Variants in RAPGEF2 observed in about 807,000 individuals in gnomAD.
RAPGEF2 encodes PDZ domain containing guanine nucleotide exchange factor (GEF) 1.
In RAPGEF2, 54 loss-of-function variants were observed where a neutral mutation model predicts 186.7. The ratio of observed to expected loss-of-function variants is 0.29; its 90% confidence interval spans 0.23 to 0.36. RAPGEF2 has a LOEUF of 0.36. RAPGEF2 is among the 10% of genes least tolerant of loss of function. The pLI is 1.00. For missense variants in RAPGEF2, 1,532 were observed against 2,045.0 expected (o/e 0.75, Z 4.84); for synonymous variants, 712 against 705.9 (o/e 1.01, Z -0.14).
At chr4:159,145,076 T>C (rs1004810097) in intron 1 of RAPGEF2, among the ~76,000 whole-genome samples, 6 of 151,848 alleles carry the variant, frequency 4.0e-5, no homozygotes, top group African/African-American at 1.5e-4. Flanking sequence ...AGACAGGATT[T>C]CACCATGTTG....
At chr4:159,226,688 A>G (rs1194078449) in intron 4 of RAPGEF2, among the ~76,000 whole-genome samples, 1 of 152,186 alleles carries the variant, frequency 6.6e-6, no homozygotes, top group African/African-American at 2.4e-5. Flanking sequence ...CAGATCATAC[A>G]CATTCTTCAT....
chr4:159,217,534 C>G (rs80294516), intron 4 of RAPGEF2, among the ~76,000 whole-genome samples: 17,212 of 152,242 alleles, frequency 0.11, 1,920 homozygotes, highest in African/African-American at 0.28. Context: ...ATATGTACCA[C>G]ATTGGCTTTA....
intron 4 of RAPGEF2, among the ~76,000 whole-genome samples, chr4:159,217,743 A>G (rs891490724): frequency 3.3e-5 from 5 of 152,228 alleles, no homozygotes; most frequent in Non-Finnish European, 7.3e-5. Context: ...CCTGTTCTCC[A>G]CAATGTCTGA....
At position 159,345,234 on chromosome 4, in the gene RAPGEF2, G is replaced by A. The variant is rs1730112703; in HGVS notation, c.3407G>A (p.Arg1136Gln). Residue 1136 changes from arginine (R) to glutamine (Q), a missense_variant, in exon 24 of 30, where the codon CGA (arginine) becomes CAA (glutamine). By Grantham distance (43) the Arg-to-Gln change is conservative (BLOSUM62 1). Coordinates refer to ENST00000691494, the MANE Select transcript of RAPGEF2 (RefSeq NM_001394067.2). ...KKLYEDAQMARKVKQYLSNLE... is the reference protein window; with the variant it reads ...KKLYEDAQMAQKVKQYLSNLE... ...CTTTATGAAGATGCCCAAATGGCTC[G>A]AAAAGTGAAGCAGTACCTTTCCAAT... 2 of 1,614,058 alleles carry A rather than the reference G, an allele frequency of 1.2e-6. No homozygotes were observed. Among genetic ancestry groups the A allele is most frequent in the Admixed American group, 1.7e-5 (1 of 60,002 alleles).
At chr4:159,104,435 T>G (rs1010049207) in intron 1 of RAPGEF2, among the ~76,000 whole-genome samples, 1 of 149,654 alleles carries the variant, frequency 6.7e-6, no homozygotes, top group African/African-American at 2.5e-5. Context: ...CTTGACATTC[T>G]GCTCCTTAAC....
intron 7 of RAPGEF2, among the ~76,000 whole-genome samples, chr4:159,262,631 T>A (rs1757000086): frequency 6.6e-6 from 1 of 152,242 alleles, no homozygotes; most frequent in Non-Finnish European, 1.5e-5. Context: ...GAATTTCTCA[T>A]GGACTTACAG....
At chr4:159,134,513 T>C (rs1393238190) in intron 1 of RAPGEF2, among the ~76,000 whole-genome samples, 2 of 152,204 alleles carry the variant, frequency 1.3e-5, no homozygotes, top group African/African-American at 4.8e-5. Flanking sequence ...ATTGTTAGGA[T>C]ATATGATAAG....
At chr4:159,267,361 T>A in intron 7 of RAPGEF2, 2 of 1,276,758 alleles carry the variant, frequency 1.6e-6, no homozygotes, top group Non-Finnish European at 2.0e-6. Flanking sequence ...ACTCATGATT[T>A]TTGAGATTGT....
chr4:159,331,685 G>C lies in RAPGEF2; in HGVS notation c.1631G>C (p.Arg544Thr), dbSNP rs1766699535. The change falls in exon 15 of 30, where the codon AGA (arginine) becomes ACA (threonine). Residue 544 changes from arginine (R) to threonine (T), a missense_variant. Around this residue, in one of 4 missense-constraint regions of RAPGEF2, gnomAD observed 810 missense variants for 1,210.5 expected, o/e 0.67. Coordinates refer to ENST00000691494, the MANE Select transcript of RAPGEF2 (RefSeq NM_001394067.2). ...LNIACAAKAK[R>T]RLMTLTKPSR... ...ATCGCGTGTGCTGCTAAAGCAAAAA[G>C]AAGATTGATGACGTTAACAAAACCA... 2 of 1,614,002 alleles carry C rather than the reference G, an allele frequency of 1.2e-6. No individual in the cohort carries two copies. The highest frequency in any genetic ancestry group is 1.7e-6 in the Non-Finnish European group (2 of 1,179,990).
intron 1 of RAPGEF2, among the ~76,000 whole-genome samples, chr4:159,176,437 A>G (rs1402423278): frequency 2.6e-5 from 4 of 152,186 alleles, no homozygotes; most frequent in Admixed American, 2.6e-4. Context: ...AATATATGCT[A>G]TACAATGTTG....
At chr4:159,147,481 C>T (rs1014694767) in intron 1 of RAPGEF2, among the ~76,000 whole-genome samples, 2 of 151,540 alleles carry the variant, frequency 1.3e-5, no homozygotes, top group African/African-American at 4.8e-5. Context: ...CAAGGTCATA[C>T]AATATCAAGT....
At chr4:159,257,906 G>T (rs926194739) in intron 7 of RAPGEF2, among the ~76,000 whole-genome samples, 4 of 152,070 alleles carry the variant, frequency 2.6e-5, no homozygotes, top group African/African-American at 7.2e-5. Context: ...GGCTATATGG[G>T]CTCTTTCATC....
intron 4 of RAPGEF2, among the ~76,000 whole-genome samples, chr4:159,216,001 A>G (rs181716371): frequency 6.6e-6 from 1 of 152,364 alleles, no homozygotes; most frequent in African/African-American, 2.4e-5. Flanking sequence ...AAGAAATTTT[A>G]TCTGTCACTG....
chr4:159,179,963 C>A (rs1746837869), intron 1 of RAPGEF2, among the ~76,000 whole-genome samples: 1 of 152,120 alleles, frequency 6.6e-6, no homozygotes, highest in Non-Finnish European at 1.5e-5. Flanking sequence ...GATTGCCTGC[C>A]TTTAATTCTT....
intron 1 of RAPGEF2, among the ~76,000 whole-genome samples, chr4:159,137,352 G>GAGGGGAAATGT (rs1741828440): frequency 6.6e-6 from 1 of 152,158 alleles, no homozygotes; most frequent in Admixed American, 6.5e-5. Context: ...CAGCTCATAG[G>GAGGGGAAATGT]AGGGGAAATG....
intron 4 of RAPGEF2, among the ~76,000 whole-genome samples, chr4:159,229,154 G>A (rs1752355493): frequency 1.3e-5 from 2 of 152,158 alleles, no homozygotes; most frequent in South Asian, 2.1e-4. Context: ...ATGTATTGGA[G>A]TATTATGTTT....
rs79257662 is a variant in RAPGEF2, at chr4:159,299,597, A to G, written c.544-4745A>G. ...GGGCAGCCACCCTTGTTTGTACTGC[A>G]CTGTCACCAATTTTAGGTATTTTAC... is the stretch of plus-strand genomic sequence containing the variant. On this transcript the variant is annotated intron_variant, in intron 7 of 29. Transcript: ENST00000691494. 8.0e-3 allele frequency among the ~76,000 whole-genome samples: 1,224 copies of G among 152,174 alleles called. 9 individuals are homozygous for G. Among genetic ancestry groups the G allele is most frequent in the Non-Finnish European group, 0.012 (790 of 67,990 alleles).
intron 3 of RAPGEF2, among the ~76,000 whole-genome samples, chr4:159,198,877 C>G (rs941598903): frequency 2.6e-5 from 4 of 151,392 alleles, no homozygotes; most frequent in Non-Finnish European, 5.9e-5. Flanking sequence ...GCCAGGAGTT[C>G]GAGACCAGCC....
chr4:159,230,449 A>G (rs1490475010), intron 4 of RAPGEF2, among the ~76,000 whole-genome samples: 1 of 152,232 alleles, frequency 6.6e-6, no homozygotes, highest in African/African-American at 2.4e-5. Flanking sequence ...TGAAAGATAT[A>G]TAATTCAAAG....
Sources: allele counts gnomAD v4.1 joint callset (sites outside exome capture counted in the v4.1 genomes callset), GRCh38; gene constraint gnomAD v4.1.1; regional missense constraint gnomAD v4.1.1; transcripts MANE v1.5; gene names NCBI Gene and HGNC (gene_info 2026-07-23, HGNC 2026-07-21).